Variants in MAGI2 observed in about 807,000 individuals in gnomAD.
The protein encoded by MAGI2 is membrane associated guanylate kinase, WW and PDZ domain containing 2, also known as membrane-associated guanylate kinase, WW and PDZ domain-containing protein 2.
In MAGI2, 35 loss-of-function variants were observed where a neutral mutation model predicts 133.3. That is an observed-to-expected ratio of 0.26 (90% CI 0.20 to 0.35). The LOEUF is 0.35. MAGI2 is among the 10% of genes least tolerant of loss of function. The pLI is 1.00. For missense variants in MAGI2, 1,636 were observed against 1,863.4 expected, an observed-to-expected ratio of 0.88 and a Z score of 2.25; for synonymous variants, 729 against 710.6, an observed-to-expected ratio of 1.03 and a Z score of -0.41.
rs62461180 is a variant in MAGI2, at chr7:78,075,628, G to A, written c.3706+3319C>T. 6.6e-3 allele frequency among the ~76,000 whole-genome samples: 1,002 copies of A among 152,076 alleles called. 6 individuals carry two copies. The highest frequency in any genetic ancestry group is 0.011 in the Admixed American group (169 of 15,288). ...CCTGACCTCGTGATCTGCCCACCTC[G>A]GCCTCCCAAAATGCTGGGATTACAG... On this transcript the variant is annotated intron_variant, in intron 21 of 21. Transcript: ENST00000354212.
intron 2 of MAGI2, among the ~76,000 whole-genome samples, chr7:78,979,684 C>A (rs978219337): frequency 1.3e-5 from 2 of 151,800 alleles, no homozygotes; most frequent in Non-Finnish European, 2.9e-5. Flanking sequence ...TGTGCAGTGT[C>A]CTTTGGGCTC....
At chr7:78,285,103 C>T (rs1006826832) in intron 9 of MAGI2, among the ~76,000 whole-genome samples, 3 of 152,036 alleles carry the variant, frequency 2.0e-5, no homozygotes, top group East Asian at 1.9e-4. Context: ...CAGGGCAAAA[C>T]GAACTCACTG....
chr7:79,452,354 C>T (rs936955237), intron 1 of MAGI2, among the ~76,000 whole-genome samples: 1 of 152,186 alleles, frequency 6.6e-6, no homozygotes, highest in Non-Finnish European at 1.5e-5. Flanking sequence ...TCAGTACGCA[C>T]GTGACGCGCG....
intron 1 of MAGI2, among the ~76,000 whole-genome samples, chr7:79,448,495 C>CT (rs1160211046): frequency 1.3e-5 from 2 of 152,050 alleles, no homozygotes; most frequent in East Asian, 3.9e-4. Context: ...CCAGACACTA[C>CT]ACACTTTAAA....
At chr7:78,885,349 T>C (rs989961695) in intron 2 of MAGI2, among the ~76,000 whole-genome samples, 1 of 152,204 alleles carries the variant, frequency 6.6e-6, no homozygotes, top group Non-Finnish European at 1.5e-5. Flanking sequence ...CGTATGCTAA[T>C]ACTATTGAAA....
chr7:79,436,072 A>G (rs1848122488), intron 1 of MAGI2, among the ~76,000 whole-genome samples: 1 of 152,144 alleles, frequency 6.6e-6, no homozygotes, highest in Admixed American at 6.6e-5. Context: ...CATACGTGAT[A>G]GAATGAAAAT....
intron 6 of MAGI2, among the ~76,000 whole-genome samples, chr7:78,402,200 T>G (rs564254704): frequency 3.3e-5 from 5 of 151,536 alleles, no homozygotes; most frequent in South Asian, 2.1e-4. Flanking sequence ...ACCTGGGGGG[T>G]GTGTGTGTGT....
At chr7:78,565,655 A>C (rs899139200) in intron 3 of MAGI2, among the ~76,000 whole-genome samples, 1 of 152,096 alleles carries the variant, frequency 6.6e-6, no homozygotes, top group Non-Finnish European at 1.5e-5. Flanking sequence ...TAGACAACAC[A>C]GCCTTACTAT....
intron 1 of MAGI2, among the ~76,000 whole-genome samples, chr7:79,139,670 C>T (rs1251827799): frequency 1.3e-5 from 2 of 152,106 alleles, no homozygotes; most frequent in East Asian, 1.9e-4. Flanking sequence ...GTACTATACA[C>T]GAATTGAGTG....
chr7:78,719,610 T>C (rs1284984728), intron 2 of MAGI2, among the ~76,000 whole-genome samples: 3 of 152,232 alleles, frequency 2.0e-5, no homozygotes, highest in Admixed American at 1.3e-4. Flanking sequence ...TGCAACCCTC[T>C]TTCTTTTACT....
At chr7:78,475,499 T>A (rs934074455) in intron 6 of MAGI2, among the ~76,000 whole-genome samples, 1 of 151,868 alleles carries the variant, frequency 6.6e-6, no homozygotes. Context: ...AGAACACAGG[T>A]AAGAATATAG....
intron 1 of MAGI2, among the ~76,000 whole-genome samples, chr7:79,201,080 C>A (rs903510964): frequency 1.3e-5 from 2 of 151,838 alleles, no homozygotes; most frequent in African/African-American, 2.4e-5. Flanking sequence ...ATATCCTAAG[C>A]AGAAATTGGC....
intron 3 of MAGI2, among the ~76,000 whole-genome samples, chr7:78,567,251 T>C (rs1277198163): frequency 6.6e-6 from 1 of 152,196 alleles, no homozygotes; most frequent in Non-Finnish European, 1.5e-5. Context: ...AGAGAGGAAC[T>C]ACAAACCAGG....
intron 1 of MAGI2, among the ~76,000 whole-genome samples, chr7:79,295,831 T>C (rs916168369): frequency 1.3e-5 from 2 of 152,122 alleles, no homozygotes; most frequent in African/African-American, 4.8e-5. Flanking sequence ...TATATCATAA[T>C]TTTAAACGTG....
chr7:78,023,489 A>G (rs1325045525), intron 21 of MAGI2, among the ~76,000 whole-genome samples: 1 of 152,176 alleles, frequency 6.6e-6, no homozygotes, highest in Non-Finnish European at 1.5e-5. Flanking sequence ...GCTACACAGC[A>G]TCGTTCACGT....
intron 1 of MAGI2, among the ~76,000 whole-genome samples, chr7:79,336,114 C>A (rs1432556067): frequency 1.3e-5 from 2 of 152,052 alleles, no homozygotes; most frequent in Admixed American, 6.6e-5. Context: ...ATTGTTATAG[C>A]AATAGCTAAC....
At chr7:78,147,081 A>C (rs76288230) in intron 16 of MAGI2, among the ~76,000 whole-genome samples, 2 of 152,204 alleles carry the variant, frequency 1.3e-5, no homozygotes, top group African/African-American at 4.8e-5. Flanking sequence ...AGAAGATTAC[A>C]TGAATATTTA....
At chr7:78,629,277 C>T (rs1037602906) in intron 2 of MAGI2, among the ~76,000 whole-genome samples, 2 of 152,108 alleles carry the variant, frequency 1.3e-5, no homozygotes, top group African/African-American at 4.8e-5. Context: ...TGCTATTGAC[C>T]CAACTGATGC....
At chr7:78,878,279 C>T (rs1795581360) in intron 2 of MAGI2, among the ~76,000 whole-genome samples, 3 of 152,204 alleles carry the variant, frequency 2.0e-5, no homozygotes, top group African/African-American at 7.2e-5. Context: ...TCATACTCTT[C>T]TATTGCTCTA....
Sources: gnomAD v4.1 joint callset for allele counts (sites outside exome capture counted in the v4.1 genomes callset) on GRCh38, gnomAD v4.1.1 for gene constraint, MANE v1.5 for transcripts, NCBI Gene and HGNC (gene_info 2026-07-23, HGNC 2026-07-21) for gene names.